The following DOK6 variants were observed in gnomAD, a reference collection of about 807,000 sequenced individuals.
The protein encoded by DOK6 is downstream of tyrosine kinase 6.
DOK6 carries 22 observed loss-of-function variants against 44.0 expected under a neutral mutation model. The observed-to-expected ratio is 0.50, with a 90% CI of 0.36 to 0.71. The LOEUF (loss-of-function observed/expected upper bound fraction) is 0.71, where lower values mean the gene tolerates loss of function less well. Among genes scored for constraint, DOK6 ranks in the 30% least tolerant of loss-of-function variants. The pLI, the probability that DOK6 is intolerant of heterozygous loss-of-function variation, is 0.00. For missense variants in DOK6, 340 were observed against 416.4 expected, an observed-to-expected ratio of 0.82 and a Z score of 1.60; for synonymous variants, 166 against 145.5, an observed-to-expected ratio of 1.14 and a Z score of -1.01.
At chr18:69,696,023 T>C (rs965143925) in intron 4 of DOK6, among the ~76,000 whole-genome samples, 1 of 152,172 alleles carries the variant, frequency 6.6e-6, no homozygotes, top group Non-Finnish European at 1.5e-5. Context: ...GGGCAAGTTG[T>C]CCAGTTGCTT....
intron 3 of DOK6, among the ~76,000 whole-genome samples, chr18:69,611,777 T>G (rs1402691757): frequency 1.3e-5 from 2 of 152,158 alleles, no homozygotes; most frequent in Admixed American, 6.5e-5. Context: ...TGACAAATTT[T>G]AGAAATGGAG....
At chr18:69,487,439 G>A (rs1431546490) in intron 1 of DOK6, among the ~76,000 whole-genome samples, 2 of 152,176 alleles carry the variant, frequency 1.3e-5, no homozygotes, top group African/African-American at 4.8e-5. Context: ...TCTGCCCCCA[G>A]TGTGTGAGGA....
chr18:69,506,338 C>T (rs1349545882), intron 1 of DOK6, among the ~76,000 whole-genome samples: 2 of 152,080 alleles, frequency 1.3e-5, no homozygotes, highest in Non-Finnish European at 2.9e-5. Context: ...TATTTAACCA[C>T]CACAAGAATA....
chr18:69,482,957 G>A (rs1443965909), intron 1 of DOK6, among the ~76,000 whole-genome samples: 12 of 151,670 alleles, frequency 7.9e-5, no homozygotes, highest in Admixed American at 7.2e-4. Context: ...GTGTCATGGG[G>A]GTTTGCGGTA....
chr18:69,498,197 A>G lies in DOK6; in HGVS notation c.67-66290A>G, dbSNP rs1315048163. Among the ~76,000 whole-genome samples the G allele has an allele frequency of 2.6e-5, 4 of 152,280 alleles. No homozygotes were observed. The South Asian group carries it at 8.3e-4, about 32-fold the overall frequency. On this transcript the variant is annotated intron_variant, in intron 1 of 7. Transcript: ENST00000382713. Reference sequence around the variant, plus strand: ...AAATTAGATATAGTAAAATGAACTTAATTATTTGATTTCATTCCAATTAAT... The same window carrying G: ...AAATTAGATATAGTAAAATGAACTTGATTATTTGATTTCATTCCAATTAAT...
intron 1 of DOK6, among the ~76,000 whole-genome samples, chr18:69,455,322 AAC>A (rs1979604325): frequency 6.6e-6 from 1 of 152,124 alleles, no homozygotes; most frequent in Admixed American, 6.6e-5. Context: ...ATTGCAAAAT[AAC>A]ACTGAAAGGC....
chr18:69,835,225 G>A (rs2145135601), intron 7 of DOK6, among the ~76,000 whole-genome samples: 1 of 152,276 alleles, frequency 6.6e-6, no homozygotes, highest in African/African-American at 2.4e-5. Flanking sequence ...CACTTTGGGA[G>A]GCCGAGGTGG....
intron 1 of DOK6, among the ~76,000 whole-genome samples, chr18:69,515,192 A>G (rs1374343217): frequency 6.6e-6 from 1 of 152,352 alleles, no homozygotes; most frequent in Non-Finnish European, 1.5e-5. Flanking sequence ...AGTGAGTTCT[A>G]TGATTTCTTC....
intron 7 of DOK6, among the ~76,000 whole-genome samples, chr18:69,805,603 C>G (rs1002503649): frequency 6.6e-6 from 1 of 152,142 alleles, no homozygotes; most frequent in South Asian, 2.1e-4. Flanking sequence ...TCCATAAAAC[C>G]ATAACACTGT....
At chr18:69,671,202 G>T (rs972054872) in intron 3 of DOK6, among the ~76,000 whole-genome samples, 1 of 152,200 alleles carries the variant, frequency 6.6e-6, no homozygotes, top group African/African-American at 2.4e-5. Flanking sequence ...TTTGTCATTT[G>T]TTACTTTGGA....
intron 5 of DOK6, chr18:69,721,483 T>C (rs1257005633): frequency 3.9e-5 from 6 of 152,186 alleles, no homozygotes; most frequent in South Asian, 2.1e-4. Flanking sequence ...ATTATAAAAA[T>C]AGGAACAATC....
chr18:69,796,933 T>C (rs1005386416), intron 7 of DOK6, among the ~76,000 whole-genome samples: 23 of 152,214 alleles, frequency 1.5e-4, no homozygotes, highest in African/African-American at 5.5e-4. Context: ...TTCAATGTTT[T>C]TCTTTAGTAA....
chr18:69,424,682 A>G (rs1477991367), intron 1 of DOK6, among the ~76,000 whole-genome samples: 2 of 152,168 alleles, frequency 1.3e-5, no homozygotes, highest in Non-Finnish European at 2.9e-5. Context: ...TAAAGCTACT[A>G]TCTTCTAGTC....
intron 1 of DOK6, chr18:69,469,494 C>T (rs1260922793): frequency 6.6e-6 from 1 of 151,850 alleles, no homozygotes; most frequent in Non-Finnish European, 1.5e-5. Context: ...CTATAACCTT[C>T]GCCGGGAGTG....
intron 3 of DOK6, 26 bp downstream of exon 3, chr18:69,599,524 C>G: frequency 6.3e-7 from 1 of 1,594,590 alleles, no homozygotes. Flanking sequence ...CCATCTACCC[C>G]TTGAGGAAAT....
At chr18:69,686,542 A>G (rs1986156847) in intron 4 of DOK6, among the ~76,000 whole-genome samples, 1 of 152,164 alleles carries the variant, frequency 6.6e-6, no homozygotes, top group African/African-American at 2.4e-5. Flanking sequence ...TGCTACTACA[A>G]TAAATATTAA....
intron 7 of DOK6, among the ~76,000 whole-genome samples, chr18:69,779,569 A>T (rs980917700): frequency 6.6e-6 from 1 of 152,142 alleles, no homozygotes; most frequent in Non-Finnish European, 1.5e-5. Flanking sequence ...TAGAAATTGT[A>T]AATAGAGAGA....
chr18:69,423,301 C>CAACAAACAAACA (rs71176964), intron 1 of DOK6, among the ~76,000 whole-genome samples: 1 of 151,388 alleles, frequency 6.6e-6, no homozygotes, highest in East Asian at 1.9e-4. Flanking sequence ...GATCCTGTCT[C>CAACAAACAAACA]AACAAACAAA....
chr18:69,835,955 C>T (rs905451789), intron 7 of DOK6, among the ~76,000 whole-genome samples: 8 of 152,132 alleles, frequency 5.3e-5, no homozygotes, highest in Admixed American at 5.2e-4. Flanking sequence ...CAATTTCCTT[C>T]ATAGTATATA....
Sources: gnomAD v4.1 joint callset for allele counts (sites outside exome capture counted in the v4.1 genomes callset) on GRCh38, gnomAD v4.1.1 for gene constraint, MANE v1.5 for transcripts, NCBI Gene and HGNC (gene_info 2026-07-23, HGNC 2026-07-21) for gene names.